KHDC1: variants seen among roughly 807,000 people sequenced by gnomAD.
KHDC1 encodes KH homology domain-containing protein 1.
In KHDC1, 21 loss-of-function variants were observed where a neutral mutation model predicts 24.7. That is an observed-to-expected ratio of 0.85 (90% CI 0.60 to 1.23). The LOEUF (loss-of-function observed/expected upper bound fraction) is 1.23, where lower values mean the gene tolerates loss of function less well. KHDC1 is among the 50% of genes most tolerant of loss of function. The pLI, the probability that KHDC1 is intolerant of heterozygous loss-of-function variation, is 0.00. For synonymous variants in KHDC1, 98 were observed against 111.7 expected, an observed-to-expected ratio of 0.88 and a Z score of 0.77; for missense variants, 274 against 298.5, an observed-to-expected ratio of 0.92 and a Z score of 0.61.
intron 2 of KHDC1, among the ~76,000 whole-genome samples, chr6:73,277,284 G>A (rs12210531): frequency 0.28 from 42,073 of 151,974 alleles, 6,476 homozygotes; most frequent in African/African-American, 0.41. Flanking sequence ...ACCCAACATG[G>A]TGAAACCCCA....
At chr6:73,296,710 A>G (rs183646046) in intron 1 of KHDC1, among the ~76,000 whole-genome samples, 4 of 152,250 alleles carry the variant, frequency 2.6e-5, no homozygotes, top group Admixed American at 1.3e-4. Context: ...TCAGATCCCA[A>G]GAGTTGGGGA....
intron 1 of KHDC1, among the ~76,000 whole-genome samples, chr6:73,296,989 C>G (rs957444856): frequency 2.6e-5 from 4 of 152,144 alleles, no homozygotes; most frequent in African/African-American, 9.7e-5. Flanking sequence ...CAACCTCTGC[C>G]TCCTGAGTTC....
intron 2 of KHDC1, among the ~76,000 whole-genome samples, chr6:73,261,574 C>T (rs926387447): frequency 5.3e-5 from 8 of 151,492 alleles, no homozygotes; most frequent in South Asian, 4.2e-4. Flanking sequence ...ATTTGAGACC[C>T]GCCTGGGCAA....
At chr6:73,261,533 G>A (rs1766979524) in intron 2 of KHDC1, among the ~76,000 whole-genome samples, 2 of 151,986 alleles carry the variant, frequency 1.3e-5, no homozygotes, top group South Asian at 4.2e-4. Flanking sequence ...ACTTTGGGAG[G>A]TCGAGGCGGG....
intron 2 of KHDC1, among the ~76,000 whole-genome samples, chr6:73,272,056 A>C (rs995281871): frequency 2.6e-5 from 4 of 151,522 alleles, no homozygotes; most frequent in Non-Finnish European, 4.4e-5. Flanking sequence ...TTGACTGTCA[A>C]CACCAGACAA....
chr6:73,246,907 G>A (rs1187518259), intron 2 of KHDC1, among the ~76,000 whole-genome samples: 3 of 151,378 alleles, frequency 2.0e-5, no homozygotes, highest in African/African-American at 4.9e-5. Flanking sequence ...CAAAATAAAC[G>A]GCATCCTAAT....
At chr6:73,265,203 T>C (rs1582563736) in intron 2 of KHDC1, among the ~76,000 whole-genome samples, 1 of 152,296 alleles carries the variant, frequency 6.6e-6, no homozygotes, top group Non-Finnish European at 1.5e-5. Context: ...ATAAGTAAGA[T>C]AAATTCTCCC....
chr6:73,265,863 G>A (rs1035252890), intron 2 of KHDC1, among the ~76,000 whole-genome samples: 4 of 152,284 alleles, frequency 2.6e-5, no homozygotes, highest in Admixed American at 6.5e-5. Flanking sequence ...AAGGTGGGAG[G>A]ATTGCTTGAG....
At chr6:73,284,653 T>G (rs565739726) in intron 2 of KHDC1, 6 of 152,132 alleles carry the variant, frequency 3.9e-5, no homozygotes, top group Non-Finnish European at 8.8e-5. Flanking sequence ...GATTTCCCTG[T>G]GCAGCAGGCA....
At chr6:73,265,319 C>T (rs1304709983) in intron 2 of KHDC1, among the ~76,000 whole-genome samples, 6 of 152,042 alleles carry the variant, frequency 3.9e-5, no homozygotes, top group African/African-American at 1.5e-4. Flanking sequence ...TGCCTGAGGT[C>T]GGGAGTTTAA....
chr6:73,245,701 TA>T (rs1766652334), intron 2 of KHDC1, among the ~76,000 whole-genome samples: 1 of 152,224 alleles, frequency 6.6e-6, no homozygotes, highest in Non-Finnish European at 1.5e-5. Flanking sequence ...TTATTATTGT[TA>T]AAAGGCATTT....
intron 1 of KHDC1, among the ~76,000 whole-genome samples, chr6:73,303,630 A>C (rs1307762006): frequency 6.6e-6 from 1 of 152,194 alleles, no homozygotes; most frequent in Non-Finnish European, 1.5e-5. Context: ...CCTTCTCAAT[A>C]ATGTATAGCT....
intron 2 of KHDC1, among the ~76,000 whole-genome samples, chr6:73,250,438 G>A (rs1766758376): frequency 6.6e-6 from 1 of 152,182 alleles, no homozygotes; most frequent in Non-Finnish European, 1.5e-5. Context: ...AGTGTTTATA[G>A]CAGGATATGA....
At chr6:73,257,572 T>C (rs1208608246) in intron 2 of KHDC1, among the ~76,000 whole-genome samples, 1 of 152,030 alleles carries the variant, frequency 6.6e-6, no homozygotes, top group Non-Finnish European at 1.5e-5. Flanking sequence ...CTAATTTTTG[T>C]ATTTTTAGTA....
At chr6:73,271,784 C>G (rs1412681823) in intron 2 of KHDC1, among the ~76,000 whole-genome samples, 1 of 151,558 alleles carries the variant, frequency 6.6e-6, no homozygotes, top group Non-Finnish European at 1.5e-5. Context: ...ATCCCAGCTA[C>G]TAGGGGGTGC....
chr6:73,305,472 T>G (rs536937601), intron 1 of KHDC1, among the ~76,000 whole-genome samples: 2 of 152,150 alleles, frequency 1.3e-5, no homozygotes, highest in Non-Finnish European at 2.9e-5. Flanking sequence ...TGTCTGAAAT[T>G]CAAGGCAGTA....
intron 1 of KHDC1, among the ~76,000 whole-genome samples, chr6:73,306,994 C>A (rs1480108005): frequency 6.6e-6 from 1 of 151,602 alleles, no homozygotes; most frequent in Non-Finnish European, 1.5e-5. Flanking sequence ...GGGTGACAGA[C>A]CAGGAAGAAA....
intron 4 of KHDC1, 54 bp downstream of exon 3, chr6:73,242,001 T>C (rs1214545253): frequency 1.3e-6 from 2 of 1,548,264 alleles, no homozygotes; most frequent in Non-Finnish European, 1.7e-6. Flanking sequence ...CTACACAACT[T>C]AGCCAGAACT....
intron 1 of KHDC1, chr6:73,301,295 A>G (rs960252900): frequency 6.6e-6 from 1 of 152,200 alleles, no homozygotes; most frequent in Non-Finnish European, 1.5e-5. Flanking sequence ...AGGCATTTTA[A>G]AATCAACAAT....
Sources: allele counts gnomAD v4.1 joint callset (sites outside exome capture counted in the v4.1 genomes callset), GRCh38; gene constraint gnomAD v4.1.1; transcripts MANE v1.5; gene names NCBI Gene and HGNC (gene_info 2026-07-23, HGNC 2026-07-21).